EPC1: variants seen among roughly 807,000 people sequenced by gnomAD.
EPC1 encodes enhancer of polycomb homolog 1.
Under a neutral mutation model 98.4 loss-of-function variants are expected in EPC1, and 12 were observed. That is an observed-to-expected ratio of 0.12 (90% CI 0.08 to 0.20). The LOEUF (loss-of-function observed/expected upper bound fraction) is 0.20, where lower values mean the gene tolerates loss of function less well. Among genes scored for constraint, EPC1 ranks in the 10% least tolerant of loss-of-function variants. The pLI is 1.00. For missense variants in EPC1, 729 were observed against 990.5 expected (o/e 0.74, Z 3.54); for synonymous variants, 357 against 363.9 (o/e 0.98, Z 0.21).
In EPC1 at chr10:32,286,949, T is replaced by C; in HGVS notation, c.1219A>G (p.Lys407Glu). Residue 407 changes from lysine (K) to glutamate (E), a missense_variant, in exon 8 of 14, where the codon AAA becomes GAA. Physicochemically the swap from Lys to Glu is moderately conservative, Grantham distance 56. Around this residue, in one of 6 missense-constraint regions of EPC1, gnomAD observed 390 missense variants for 438.6 expected, o/e 0.89. Transcript: ENST00000319778. ...DPDGPFAFRRKAGCQYYAPHL... is the reference protein window; with the variant it reads ...DPDGPFAFRREAGCQYYAPHL... The stretch of plus-strand genomic sequence containing the variant: ...ACAGCATAGTACTGACAGCCTGCTT[T>C]CCTACGGAAAGCAAAAGGACCATCA... The C allele has an allele frequency of 6.2e-7, 1 of 1,613,764 alleles. No homozygotes were observed. The highest frequency in any genetic ancestry group is 2.2e-5 in the East Asian group (1 of 44,890).
At chr10:32,367,203 C>T (rs1046635374) in intron 1 of EPC1, among the ~76,000 whole-genome samples, 1 of 152,164 alleles carries the variant, frequency 6.6e-6, no homozygotes, top group Non-Finnish European at 1.5e-5. Flanking sequence ...GTTGGCCAGG[C>T]TGGTCTCGAA....
At chr10:32,338,069 C>A (rs1391195757) in intron 1 of EPC1, among the ~76,000 whole-genome samples, 1 of 152,192 alleles carries the variant, frequency 6.6e-6, no homozygotes, top group Non-Finnish European at 1.5e-5. Context: ...AAATTATACA[C>A]TTCTAGCACA....
chr10:32,352,547 C>T (rs899915756), intron 1 of EPC1, among the ~76,000 whole-genome samples: 2 of 152,128 alleles, frequency 1.3e-5, no homozygotes, highest in African/African-American at 4.8e-5. Flanking sequence ...ATATCACCTC[C>T]CCCATGAAAC....
chr10:32,373,521 C>T (rs1839807604), intron 1 of EPC1, among the ~76,000 whole-genome samples: 1 of 152,146 alleles, frequency 6.6e-6, no homozygotes, highest in South Asian at 2.1e-4. Flanking sequence ...CCTAGTTAAA[C>T]CAATCCTGGT....
intron 1 of EPC1, among the ~76,000 whole-genome samples, chr10:32,338,704 G>A (rs1484261620): frequency 6.6e-6 from 1 of 151,980 alleles, no homozygotes. Context: ...TCAAGTTTCA[G>A]GCCACATGTT....
At chr10:32,270,838 A>G (rs2132631342) in intron 13 of EPC1, among the ~76,000 whole-genome samples, 1 of 151,176 alleles carries the variant, frequency 6.6e-6, no homozygotes, top group East Asian at 1.9e-4. Context: ...AAAAAAAAAA[A>G]AAAAAAAAAA....
At chr10:32,285,239 T>A in intron 9 of EPC1, 189 bp from the exon 10 acceptor site, 1 of 474,072 alleles carries the variant, frequency 2.1e-6, no homozygotes, top group Non-Finnish European at 3.7e-6. Flanking sequence ...AAAGTTCTTT[T>A]AACAAATTGT....
intron 1 of EPC1, among the ~76,000 whole-genome samples, chr10:32,361,965 C>T (rs1278554761): frequency 6.6e-6 from 1 of 152,198 alleles, no homozygotes; most frequent in African/African-American, 2.4e-5. Flanking sequence ...ACCTCTGCTA[C>T]ACTCCCACCA....
chr10:32,313,840 CGCGCCACTGCACTCCA>C (rs1161325190), intron 1 of EPC1, among the ~76,000 whole-genome samples: 1 of 151,820 alleles, frequency 6.6e-6, no homozygotes, highest in Non-Finnish European at 1.5e-5. Context: ...GAGCTGAGAT[CGCGCCACTGCACTCCA>C]GCCTGGGCGA....
upstream of EPC1, among the ~76,000 whole-genome samples, chr10:32,349,326 A>G (rs779330763): frequency 1.3e-5 from 2 of 152,250 alleles, no homozygotes; most frequent in African/African-American, 2.4e-5. Context: ...TACATTAGTA[A>G]TAATGGGTGG....
chr10:32,301,089 T>C lies in EPC1; in HGVS notation c.313+4683A>G, dbSNP rs146818148. On this transcript the variant is annotated intron_variant, in intron 2 of 13. Coordinates refer to ENST00000319778, the MANE Select transcript of EPC1 (RefSeq NM_001272004.3). ...ATCTATCTATCTATCTATCTATCTATCTGCCTGCCTACCTACCTACGTACC... is the reference window on the plus strand; with the variant it reads ...ATCTATCTATCTATCTATCTATCTACCTGCCTGCCTACCTACCTACGTACC... Among the ~76,000 whole-genome samples, 322 of 148,776 alleles carry C rather than the reference T, an allele frequency of 2.2e-3. 1 individual carries two copies. The highest frequency in any genetic ancestry group is 3.2e-3 in the African/African-American group (126 of 39,458).
intron 2 of EPC1, among the ~76,000 whole-genome samples, chr10:32,295,144 G>T (rs1835075463): frequency 6.6e-6 from 1 of 152,102 alleles, no homozygotes; most frequent in African/African-American, 2.4e-5. Flanking sequence ...ATTAGAATGT[G>T]TGTGATCTCT....
chr10:32,350,287 C>A (rs2505374), upstream of EPC1, among the ~76,000 whole-genome samples: 69,451 of 152,050 alleles, frequency 0.46, 18,925 homozygotes, highest in East Asian at 0.72. Flanking sequence ...ACAAATAAAA[C>A]ACTGGTAAAT....
chr10:32,310,767 G>A (rs1278709978), intron 1 of EPC1, among the ~76,000 whole-genome samples: 1 of 152,010 alleles, frequency 6.6e-6, no homozygotes, highest in Non-Finnish European at 1.5e-5. Flanking sequence ...CCAGCTACTC[G>A]GGAGGCTGAA....
chr10:32,340,590 G>C (rs1261101296), intron 1 of EPC1, among the ~76,000 whole-genome samples: 1 of 152,202 alleles, frequency 6.6e-6, no homozygotes, highest in Admixed American at 6.5e-5. Flanking sequence ...AGCACTTTGG[G>C]AGACCAAGGT....
chr10:32,363,703 AG>A (rs1219914582), intron 1 of EPC1, among the ~76,000 whole-genome samples: 1 of 152,214 alleles, frequency 6.6e-6, no homozygotes, highest in African/African-American at 2.4e-5. Context: ...CCAGGCTTGT[AG>A]GGGACACTAT....
intron 1 of EPC1, among the ~76,000 whole-genome samples, chr10:32,372,818 C>G (rs1053922122): frequency 2.0e-5 from 3 of 152,154 alleles, no homozygotes; most frequent in African/African-American, 7.2e-5. Context: ...ATCAGGAGTT[C>G]GAGACTAGCC....
chr10:32,346,596 C>CG, intron 1 of EPC1, 167 bp downstream of exon 1: 1 of 685,948 alleles, frequency 1.5e-6, no homozygotes, highest in Non-Finnish European at 2.4e-6. Context: ...CCGCGGCGGC[C>CG]GGGGGTCGAG....
In EPC1 at chr10:32,292,596, G is replaced by A; in HGVS notation, c.715C>T (p.Arg239Ter). The A allele has an allele frequency of 6.2e-7, 1 of 1,604,414 alleles. No individual in the cohort carries two copies. The highest frequency in any genetic ancestry group is 2.2e-5 in the East Asian group (1 of 44,522). ...ASYEKMLKLR[R>*]DLSRAVTILE... ...ATAGTAACAGCTCGACTTAGATCTC[G>A]TCGCAGCTTAAGCATTTTTTCGTAA... Residue 239 changes from arginine to a stop codon, truncating the protein, a stop_gained, in exon 5 of 14, where the codon CGA becomes TGA. Coordinates refer to ENST00000319778, the MANE Select transcript of EPC1 (RefSeq NM_001272004.3). LOFTEE classifies it high-confidence loss of function.
Sources: allele counts gnomAD v4.1 joint callset (sites outside exome capture counted in the v4.1 genomes callset), GRCh38; gene constraint gnomAD v4.1.1; regional missense constraint gnomAD v4.1.1; transcripts MANE v1.5; gene names NCBI Gene and HGNC (gene_info 2026-07-23, HGNC 2026-07-21).